The following PPP2R2B variants were observed in gnomAD, a reference collection of about 807,000 sequenced individuals.
PPP2R2B encodes the protein serine/threonine-protein phosphatase 2A 55 kDa regulatory subunit B beta isoform.
Under a neutral mutation model 46.0 loss-of-function variants are expected in PPP2R2B, and 5 were observed. That is an observed-to-expected ratio of 0.11 (90% CI 0.06 to 0.23). PPP2R2B has a LOEUF of 0.23. Among genes scored for constraint, PPP2R2B ranks in the 10% least tolerant of loss-of-function variants. The probability of loss-of-function intolerance (pLI) is 1.00; values close to 1 mark genes in which losing one functional copy is unlikely to be tolerated. For missense variants in PPP2R2B, 367 were observed against 575.0 expected (o/e 0.64, Z 3.70); for synonymous variants, 215 against 206.7 (o/e 1.04, Z -0.34).
At chr5:146,861,321 G>T (rs1183380450) in intron 2 of PPP2R2B, among the ~76,000 whole-genome samples, 1 of 151,408 alleles carries the variant, frequency 6.6e-6, no homozygotes, top group Non-Finnish European at 1.5e-5. Flanking sequence ...CTCCCAAAGT[G>T]CTGGGATTAC....
At chr5:146,599,441 C>CA (rs1172550075) in intron 8 of PPP2R2B, among the ~76,000 whole-genome samples, 1 of 152,206 alleles carries the variant, frequency 6.6e-6, no homozygotes, top group African/African-American at 2.4e-5. Flanking sequence ...AAGTAAAACT[C>CA]ACAATGTTAT....
intron 1 of PPP2R2B, among the ~76,000 whole-genome samples, chr5:147,048,347 C>A (rs911287850): frequency 6.3e-4 from 96 of 152,088 alleles, no homozygotes; most frequent in East Asian, 1.9e-4. Context: ...CAATAGGTTA[C>A]TCAGCCTTTC....
At chr5:146,684,392 T>G (rs1311206658) in intron 5 of PPP2R2B, among the ~76,000 whole-genome samples, 1 of 152,228 alleles carries the variant, frequency 6.6e-6, no homozygotes, top group African/African-American at 2.4e-5. Context: ...GAATGAGTAT[T>G]ACGACATAGG....
chr5:147,062,927 T>A (rs1222086089), intron 2 of PPP2R2B, among the ~76,000 whole-genome samples: 1 of 130,824 alleles, frequency 7.6e-6, no homozygotes, highest in Non-Finnish European at 1.6e-5. Flanking sequence ...GACTGTGAGA[T>A]TAGATGCATG....
chr5:146,684,846 A>C (rs962565359), intron 5 of PPP2R2B, among the ~76,000 whole-genome samples: 2 of 152,280 alleles, frequency 1.3e-5, no homozygotes, highest in African/African-American at 2.4e-5. Flanking sequence ...CAAAGATGTC[A>C]TTTCTTAGAG....
intron 2 of PPP2R2B, among the ~76,000 whole-genome samples, chr5:146,869,765 CTT>C (rs1209044140): frequency 6.6e-6 from 1 of 152,070 alleles, no homozygotes; most frequent in Non-Finnish European, 1.5e-5. Context: ...TATTATTTGA[CTT>C]ATAAATAAAA....
chr5:146,861,108 T>A (rs1403679238), intron 2 of PPP2R2B, among the ~76,000 whole-genome samples: 1 of 145,744 alleles, frequency 6.9e-6, no homozygotes, highest in African/African-American at 2.6e-5. Context: ...CGGGCTGGAG[T>A]GCAGTGGCGC....
chr5:146,637,353 G>T (rs989103120), intron 7 of PPP2R2B, among the ~76,000 whole-genome samples: 7 of 152,150 alleles, frequency 4.6e-5, no homozygotes, highest in African/African-American at 1.7e-4. Flanking sequence ...TGGGTTATTG[G>T]CATCTAGTGG....
At chr5:146,995,531 T>C (rs968904542) in intron 1 of PPP2R2B, among the ~76,000 whole-genome samples, 1 of 152,164 alleles carries the variant, frequency 6.6e-6, no homozygotes, top group South Asian at 2.1e-4. Flanking sequence ...CTGAAGCAAA[T>C]AGTAATACTC....
intron 5 of PPP2R2B, among the ~76,000 whole-genome samples, chr5:146,670,838 C>G (rs1777311959): frequency 6.6e-6 from 1 of 152,048 alleles, no homozygotes; most frequent in African/African-American, 2.4e-5. Flanking sequence ...AGTTAACTAA[C>G]TTTATTTTGA....
chr5:146,998,431 A>T (rs1754017887), intron 1 of PPP2R2B, among the ~76,000 whole-genome samples: 1 of 152,190 alleles, frequency 6.6e-6, no homozygotes, highest in Non-Finnish European at 1.5e-5. Flanking sequence ...AGGAAGTGGG[A>T]GTGACTCAGT....
chr5:146,619,795 GCTC>G (rs1186681495), intron 7 of PPP2R2B, among the ~76,000 whole-genome samples: 3 of 151,998 alleles, frequency 2.0e-5, no homozygotes, highest in African/African-American at 7.3e-5. Context: ...TGTTTCTCTG[GCTC>G]CTATTCAACC....
intron 5 of PPP2R2B, among the ~76,000 whole-genome samples, chr5:146,687,189 GC>G (rs1290562527): frequency 1.3e-5 from 2 of 152,108 alleles, no homozygotes; most frequent in African/African-American, 4.8e-5. Flanking sequence ...CATTTCAAAT[GC>G]CCAGATGTAT....
At position 146,857,278 on chromosome 5, in the gene PPP2R2B, C is replaced by T. The variant is rs557964013; in HGVS notation, c.70+20724G>A. Among the ~76,000 whole-genome samples the T allele has an allele frequency of 1.8e-4, 28 of 151,758 alleles. No homozygotes were observed. In the South Asian group the frequency reaches 4.0e-3, roughly 21 times the overall value. On this transcript the variant is annotated intron_variant, in intron 2 of 9. Transcript: ENST00000394411. ...TTCAGAAGTATGAGGTTATATCCTA[C>T]GAGAAACTATGAAAAAGGTGATATA...
chr5:147,063,061 A>G (rs1325189086), intron 2 of PPP2R2B, among the ~76,000 whole-genome samples: 1 of 149,002 alleles, frequency 6.7e-6, no homozygotes, highest in Non-Finnish European at 1.5e-5. Flanking sequence ...GGAAGGGAAG[A>G]GAAGAGAAGG....
intron 5 of PPP2R2B, among the ~76,000 whole-genome samples, chr5:146,653,600 G>A (rs76638364): frequency 0.091 from 13,814 of 152,072 alleles, 708 homozygotes; most frequent in East Asian, 0.17. Flanking sequence ...ACTCTTCCCC[G>A]GGCCTCCTCA....
intron 5 of PPP2R2B, among the ~76,000 whole-genome samples, chr5:146,663,053 C>T (rs1206258520): frequency 6.6e-6 from 1 of 152,044 alleles, no homozygotes; most frequent in Non-Finnish European, 1.5e-5. Context: ...TTACTCTATG[C>T]CAGTCACTGT....
At chr5:146,904,621 GATC>G (rs1762940249) in intron 1 of PPP2R2B, among the ~76,000 whole-genome samples, 1 of 152,196 alleles carries the variant, frequency 6.6e-6, no homozygotes, top group East Asian at 1.9e-4. Context: ...TGTAACCACT[GATC>G]ATACAGACTG....
rs147663996 is a variant in PPP2R2B at position 146,693,102 on chromosome 5, C to A, written c.335-1862G>T. ...GGATTCCCACTCAGTAGGTACATAA[C>A]CCTTCCTCCCTTCCCTCTCTCCTTC... On this transcript the variant is annotated intron_variant, in intron 4 of 9. Coordinates refer to ENST00000394411, the MANE Select transcript of PPP2R2B (RefSeq NM_181675.4). Among the ~76,000 whole-genome samples, 1,406 of 152,072 alleles carry A rather than the reference C, an allele frequency of 9.2e-3. 21 individuals are homozygous for A. The highest frequency in any genetic ancestry group is 0.032 in the African/African-American group (1,345 of 41,492).
Sources: allele counts gnomAD v4.1 joint callset (sites outside exome capture counted in the v4.1 genomes callset), GRCh38; gene constraint gnomAD v4.1.1; transcripts MANE v1.5; gene names NCBI Gene and HGNC (gene_info 2026-07-23, HGNC 2026-07-21).